The following GPT variants were observed in gnomAD, a reference collection of about 807,000 sequenced individuals.
GPT encodes alanine aminotransferase 1.
In GPT, 60 loss-of-function variants were observed where a neutral mutation model predicts 51.4. The observed-to-expected ratio is 1.17, with a 90% CI of 0.95 to 1.45. The LOEUF (loss-of-function observed/expected upper bound fraction) is 1.45. GPT is among the 40% of genes most tolerant of loss of function. The probability of loss-of-function intolerance (pLI) is 0.00; values close to 1 mark genes in which losing one functional copy is unlikely to be tolerated. For synonymous variants in GPT, 397 were observed against 303.1 expected (o/e 1.31, Z -3.22); for missense variants, 853 against 704.0 (o/e 1.21, Z -2.40).
chr8:144,504,886 G>A lies in GPT; in HGVS notation c.361+7G>A, dbSNP rs1236882800. On this transcript the variant is annotated splice_region_variant and intron_variant, in intron 3 of 10. Coordinates refer to ENST00000394955, the MANE Select transcript of GPT (RefSeq NM_005309.3). ...TGTGGGGGCCACAGTCTGGGTGAGAGCCAGGGCCAGGAGGAAGCAGAGGGC... is the reference window on the plus strand; with the variant it reads ...TGTGGGGGCCACAGTCTGGGTGAGAACCAGGGCCAGGAGGAAGCAGAGGGC... 7 of 1,612,922 alleles carry A rather than the reference G, an allele frequency of 4.3e-6. No homozygotes were observed. The highest frequency in any genetic ancestry group is 4.0e-5 in the African/African-American group (3 of 74,948).
chr8:144,507,007 C>T lies in GPT; in HGVS notation c.*7C>T, dbSNP rs749649028. On this transcript the variant is annotated 3_prime_UTR_variant, in exon 11 of 11. Coordinates refer to ENST00000394955, the MANE Select transcript of GPT (RefSeq NM_005309.3). ...CACCCTCGAGTACTCCTGAGCACCC[C>T]AGCTGGGGCCAGGCTGGGTCGCCCT... The T allele has an allele frequency of 5.0e-6, 8 of 1,595,826 alleles. No homozygotes were observed. The highest frequency in any genetic ancestry group is 6.0e-6 in the Non-Finnish European group (7 of 1,167,838).
At position 144,504,713 on chromosome 8, in the gene GPT, C is replaced by G. The variant is rs761979276; in HGVS notation, c.252+20C>G. On this transcript the variant is annotated intron_variant, in intron 2 of 10. Transcript: ENST00000394955. ...CGCCAGGTGAGGCTCCTGCACTGCC[C>G]GGAGCACCCCCCCACCCCCAGCCCA... is the stretch of plus-strand genomic sequence containing the variant. 3 of 1,611,654 alleles carry G rather than the reference C, an allele frequency of 1.9e-6. No homozygotes were observed. The highest frequency in any genetic ancestry group is 2.5e-6 in the Non-Finnish European group (3 of 1,178,588).
In GPT at chr8:144,505,269, C is replaced by A; in HGVS notation, c.519C>A (p.Ala173=). 1 of 1,594,374 alleles carries A rather than the reference C, an allele frequency of 6.3e-7. No homozygotes were observed. Among genetic ancestry groups the A allele is most frequent in the Non-Finnish European group, 8.5e-7 (1 of 1,171,048 alleles). Residue 173 remains alanine, a synonymous_variant, in exon 5 of 11, where the codon GCC becomes GCA. Transcript: ENST00000394955. ...AIVTVLKLLV[A]GEGHTRTGVL... ...AGACGGTGCTGAAGCTGCTGGTGGC[C>A]GGCGAGGGCCACACACGCACGGGTG...
At chr8:144,504,561 T>G in intron 1 of GPT, 43 bp from the exon 2 acceptor site, 1 of 1,608,616 alleles carries the variant, frequency 6.2e-7, no homozygotes, top group Non-Finnish European at 8.5e-7. Flanking sequence ...GCTGAGGGGT[T>G]AGGTAGGGCA....
rs753567992 is a variant in GPT at position 144,506,309 on chromosome 8, G to C, written c.1034G>C (p.Ser345Thr). Residue 345 changes from serine (S) to threonine (T), a missense_variant, in exon 8 of 11, where the codon AGT (serine) becomes ACT (threonine). Coordinates refer to ENST00000394955, the MANE Select transcript of GPT (RefSeq NM_005309.3). This position sits in a 1 kb window ranked among gnomAD's most constrained non-coding sequence, Gnocchi z 7.0. ...AVQQQMLKLM[S>T]VRLCPPVPGQ... ...CAGCAGCAGATGCTGAAGCTGATGA[G>C]TGTGCGGCTGTGCCCGCCGGTGCCA... 16 of 1,572,160 alleles carry C rather than the reference G, an allele frequency of 1.0e-5. No individual in the cohort carries two copies. The South Asian group carries it at 1.8e-4, about 18-fold the overall frequency.
At chr8:144,504,544 G>C in intron 1 of GPT, 60 bp from the exon 2 acceptor site, 1 of 1,609,628 alleles carries the variant, frequency 6.2e-7, no homozygotes, top group South Asian at 1.1e-5. Context: ...TGGCACATGG[G>C]ACAAGGGCTG....
intron 6 of GPT, 29 bp from the exon 7 acceptor site, chr8:144,505,966 C>T (rs765186663): frequency 4.3e-6 from 7 of 1,612,116 alleles, no homozygotes; most frequent in East Asian, 2.2e-5. Flanking sequence ...GGCAACAGTC[C>T]GCCCCCGTGA....
Position 144,504,388 on chromosome 8 carries a change from G to T in GPT, c.84G>T (p.Pro28=). The T allele has an allele frequency of 1.2e-6, 2 of 1,611,798 alleles. No homozygotes were observed. The highest frequency in any genetic ancestry group is 8.5e-7 in the Non-Finnish European group (1 of 1,179,962). The change falls in exon 1 of 11, where the codon CCG becomes CCT. Residue 28 remains proline (P), a synonymous_variant. Transcript: ENST00000394955. ...TGCTGACGCTGGACGGCATGAACCC[G>T]CGTGTGCGGAGAGTGGAGTACGCAG... ...AKVLTLDGMN[P]RVRRVEYAVR...
rs762452001 is a variant in GPT, at chr8:144,504,348, G to C, written c.44G>C (p.Gly15Ala). The C allele has an allele frequency of 1.2e-6, 2 of 1,611,004 alleles. No individual in the cohort carries two copies. The highest frequency in any genetic ancestry group is 2.2e-5 in the South Asian group (2 of 91,084). ...GACCGGAGCCAGGCGGTGAGGCATG[G>C]ACTGAGGGCGAAGGTGCTGACGCTG... The part of the protein sequence containing the change: ...TGDRSQAVRH[G>A]LRAKVLTLDG... Residue 15 changes from glycine (G) to alanine (A), a missense_variant, in exon 1 of 11, where the codon GGA (glycine) becomes GCA (alanine). Transcript: ENST00000394955.
In GPT at chr8:144,505,033, C is replaced by T. The variant is rs200088103; in HGVS notation, c.397C>T (p.Arg133Trp). The T allele has an allele frequency of 4.6e-5, 74 of 1,613,108 alleles. No individual in the cohort carries two copies. The East Asian group carries it at 1.1e-3, about 25-fold the overall frequency. Residue 133 changes from arginine (R) to tryptophan (W), a missense_variant, in exon 4 of 11, where the codon CGG becomes TGG. Physicochemically the swap from Arg to Trp is moderately radical, Grantham distance 101. Transcript: ENST00000394955. ...YSVSSGIQLI[R>W]EDVARYIERR... ...CGTCAGCTCCGGCATCCAGCTGATC[C>T]GGGAGGACGTGGCGCGGTACATTGA...
rs748082273 is a variant in GPT at position 144,506,829 on chromosome 8, CA to C, written c.1387del (p.Thr463ProfsTer6). On this transcript the variant is annotated frameshift_variant, in exon 10 of 11. Transcript: ENST00000394955. LOFTEE classifies it high-confidence loss of function. This position sits in a 1 kb window ranked among gnomAD's most constrained non-coding sequence, Gnocchi z 7.0. ...GGAGCGGCTTTGGGCAGCGGGAAGGCACCTACCACTTCCGGTGAGGCCTGGC... is the reference window on the plus strand; with the variant it reads ...GGAGCGGCTTTGGGCAGCGGGAAGGCCCTACCACTTCCGGTGAGGCCTGGC... ...PGSGFGQREG[T>X]YHFRMTILPP... is the part of the protein sequence containing the mutation. 1.2e-6 allele frequency: 2 copies of C among 1,612,724 alleles called. No homozygotes were observed. Among genetic ancestry groups the C allele is most frequent in the East Asian group, 4.5e-5 (2 of 44,878 alleles).
chr8:144,505,897 C>A lies in GPT; in HGVS notation c.789C>A (p.Phe263Leu), dbSNP rs774117125. ...ECIEAVIRFA[F>L]EERLFLLADE... ...TCGAGGCCGTGATCCGCTTCGCCTT[C>A]GAAGAGCGGCTCTTTCTGCTGGCGG... Residue 263 changes from phenylalanine to leucine, a missense_variant, in exon 6 of 11, where the codon TTC (phenylalanine) becomes TTA (leucine). Coordinates refer to ENST00000394955, the MANE Select transcript of GPT (RefSeq NM_005309.3). The A allele has an allele frequency of 3.1e-6, 5 of 1,594,850 alleles. No homozygotes were observed. In the East Asian group the frequency reaches 1.1e-4, roughly 36 times the overall value.
rs1306570785 is a variant in GPT at position 144,505,871 on chromosome 8, A to G, written c.763A>G (p.Ile255Val). The G allele has an allele frequency of 1.3e-6, 2 of 1,561,918 alleles. No homozygotes were observed. The highest frequency in any genetic ancestry group is 3.8e-5 in the Admixed American group (2 of 52,380). ...PTGQVQTRECIEAVIRFAFEE... is the reference protein window; with the variant it reads ...PTGQVQTRECVEAVIRFAFEE... ...AGGGCAGGTGCAGACCCGCGAGTGC[A>G]TCGAGGCCGTGATCCGCTTCGCCTT... is the stretch of plus-strand genomic sequence containing the variant. The change falls in exon 6 of 11, where the codon ATC becomes GTC. Residue 255 changes from isoleucine to valine, a missense_variant. Physicochemically the swap from Ile to Val is conservative, Grantham distance 29 (BLOSUM62 3). Transcript: ENST00000394955.
rs1203520392 is a variant in GPT at position 144,506,663 on chromosome 8, CG to C, written c.1287+12del. The C allele has an allele frequency of 3.3e-6, 2 of 601,138 alleles. No homozygotes were observed. The highest frequency in any genetic ancestry group is 4.9e-5 in the Admixed American group (2 of 40,414). 37.2% of individuals were successfully genotyped at this position (601,138 alleles called of 1,614,324 possible). The stretch of plus-strand genomic sequence containing the variant: ...GGCGGTGGAGCGCGCTCAGGTCAGG[CG>C]GGGGCGGGGCCTGCGGGGTGGGCAG... On this transcript the variant is annotated splice_region_variant and intron_variant, in intron 9 of 10. Coordinates refer to ENST00000394955, the MANE Select transcript of GPT (RefSeq NM_005309.3). This position sits in a 1 kb window ranked among gnomAD's most constrained non-coding sequence, Gnocchi z 7.0.
Position 144,506,577 on chromosome 8 carries a change from T to C in GPT, c.1208T>C (p.Ile403Thr). Residue 403 changes from isoleucine to threonine, a missense_variant, in exon 9 of 11, where the codon ATC becomes ACC. Physicochemically the swap from Ile to Thr is moderately conservative, Grantham distance 89. Coordinates refer to ENST00000394955, the MANE Select transcript of GPT (RefSeq NM_005309.3). The surrounding 1 kb of genome is among the most constrained non-coding windows in gnomAD (Gnocchi z 7.0). ...TEQVFNEAPG[I>T]SCNPVQGAMY... is the part of the protein sequence containing the mutation. ...CAGGTCTTCAATGAGGCTCCTGGCA[T>C]CAGCTGCAACCCAGTGCAGGGCGCC... 1 of 1,578,688 alleles carries C rather than the reference T, an allele frequency of 6.3e-7. No individual in the cohort carries two copies. The highest frequency in any genetic ancestry group is 8.6e-7 in the Non-Finnish European group (1 of 1,163,108).
Position 144,506,156 on chromosome 8 carries a change from G to T in GPT, c.956+25G>T, listed in dbSNP as rs1826790301. 6.2e-7 allele frequency: 1 copy of T among 1,606,244 alleles called. No homozygotes were observed. The highest frequency in any genetic ancestry group is 2.2e-5 in the East Asian group (1 of 44,640). On this transcript the variant is annotated intron_variant, in intron 7 of 10. Coordinates refer to ENST00000394955, the MANE Select transcript of GPT (RefSeq NM_005309.3). The surrounding 1 kb of genome is among the most constrained non-coding windows in gnomAD (Gnocchi z 7.0). ...AGTGCGTGCGTACGAGGCGGGTGGG[G>T]GCTCGCGGGCCATGGCCAGGCCCTC...
In GPT at chr8:144,506,765, T is replaced by C. The variant is rs1404963747; in HGVS notation, c.1322T>C (p.Leu441Pro). 1 of 1,612,320 alleles carries C rather than the reference T, an allele frequency of 6.2e-7. No individual in the cohort carries two copies. The highest frequency in any genetic ancestry group is 8.5e-7 in the Non-Finnish European group (1 of 1,179,946). The stretch of plus-strand genomic sequence containing the variant: ...CTGGCCCCCGATATGTTCTTCTGCC[T>C]GCGCCTCCTGGAGGAGACCGGCATC... ...LGLAPDMFFC[L>P]RLLEETGICV... Residue 441 changes from leucine to proline, a missense_variant, in exon 10 of 11, where the codon CTG becomes CCG. Physicochemically the swap from Leu to Pro is moderately conservative, Grantham distance 98. Transcript: ENST00000394955. This position sits in a 1 kb window ranked among gnomAD's most constrained non-coding sequence, Gnocchi z 7.0.
intron 1 of GPT, 39 bp downstream of exon 1, chr8:144,504,505 T>C: frequency 1.2e-6 from 2 of 1,608,432 alleles, no homozygotes; most frequent in Non-Finnish European, 8.5e-7. Flanking sequence ...CAGGTCACAA[T>C]GGGGTGGCCG....
At position 144,505,947 on chromosome 8, in the gene GPT, G is replaced by T. The variant is rs747616812; in HGVS notation, c.819+20G>T. On this transcript the variant is annotated intron_variant, in intron 6 of 10. Transcript: ENST00000394955. The stretch of plus-strand genomic sequence containing the variant: ...GACGAGGTGCGCGGCGCGGGGGAGC[G>T]GGAAGCCGGGCAACAGTCCGCCCCC... The T allele has an allele frequency of 2.5e-6, 4 of 1,611,568 alleles. No individual in the cohort carries two copies. In the Admixed American group the frequency reaches 5.0e-5, roughly 20 times the overall value.
Sources: allele counts gnomAD v4.1 joint callset, GRCh38; gene constraint gnomAD v4.1.1; non-coding constraint Gnocchi (gnomAD v3.1); transcripts MANE v1.5; gene names NCBI Gene and HGNC (gene_info 2026-07-23, HGNC 2026-07-21).